The following FBXL17 variants were observed in gnomAD, a reference collection of about 807,000 sequenced individuals.
The protein encoded by FBXL17 is F-box and leucine rich repeat protein 17, also known as F-box/LRR-repeat protein 17.
A neutral mutation model predicts 66.2 loss-of-function variants in FBXL17; 22 were observed. The ratio of observed to expected loss-of-function variants is 0.33; its 90% CI spans 0.24 to 0.47. FBXL17 has a LOEUF of 0.47. FBXL17 is among the 20% of genes least tolerant of loss of function. FBXL17 has a pLI of 1.00. For missense variants in FBXL17, 878 were observed against 948.2 expected, an observed-to-expected ratio of 0.93 and a Z score of 0.97; for synonymous variants, 474 against 400.5, an observed-to-expected ratio of 1.18 and a Z score of -2.19.
chr5:108,023,947 G>T (rs1377656353), intron 6 of FBXL17, among the ~76,000 whole-genome samples: 1 of 152,180 alleles, frequency 6.6e-6, no homozygotes. Flanking sequence ...CTTTCTTACA[G>T]ATACTACATA....
intron 7 of FBXL17, 129 bp downstream of exon 7, chr5:108,020,796 T>C (rs75317195): frequency 6.4e-6 from 4 of 620,332 alleles, no homozygotes; most frequent in Non-Finnish European, 1.1e-5. Flanking sequence ...TTTTTTGGTA[T>C]GGTCACAATG....
intron 7 of FBXL17, among the ~76,000 whole-genome samples, chr5:107,923,704 T>C (rs984812109): frequency 6.6e-6 from 1 of 152,134 alleles, no homozygotes; most frequent in Admixed American, 6.6e-5. Flanking sequence ...AACACTAGGG[T>C]ACTTGATATG....
intron 7 of FBXL17, among the ~76,000 whole-genome samples, chr5:108,006,153 GT>G (rs2112726048): frequency 6.6e-6 from 1 of 152,228 alleles, no homozygotes; most frequent in Admixed American, 6.5e-5. Flanking sequence ...GTTTCTTTTG[GT>G]TTTAGGTCTA....
intron 4 of FBXL17, among the ~76,000 whole-genome samples, chr5:108,244,281 AT>A (rs1313932925): frequency 3.3e-5 from 5 of 152,174 alleles, no homozygotes; most frequent in Non-Finnish European, 7.4e-5. Context: ...TATAATTCTT[AT>A]ATTAATTTAA....
intron 7 of FBXL17, among the ~76,000 whole-genome samples, chr5:107,955,500 C>T (rs1392115984): frequency 6.6e-6 from 1 of 152,176 alleles, no homozygotes; most frequent in Non-Finnish European, 1.5e-5. Flanking sequence ...TTGCAGTGCG[C>T]TGTGACAAGA....
chr5:108,240,878 G>A (rs1363848587), intron 4 of FBXL17, among the ~76,000 whole-genome samples: 1 of 152,202 alleles, frequency 6.6e-6, no homozygotes, highest in Non-Finnish European at 1.5e-5. Flanking sequence ...GACAGAGAGA[G>A]AGAGAGAGAT....
At chr5:108,239,935 A>G (rs1755779577) in intron 4 of FBXL17, among the ~76,000 whole-genome samples, 1 of 152,064 alleles carries the variant, frequency 6.6e-6, no homozygotes, top group Admixed American at 6.6e-5. Context: ...ATCCTGGATG[A>G]CATGTCTAGA....
At chr5:107,919,608 C>G (rs1750246717) in intron 7 of FBXL17, among the ~76,000 whole-genome samples, 1 of 152,188 alleles carries the variant, frequency 6.6e-6, no homozygotes, top group African/African-American at 2.4e-5. Flanking sequence ...GCTCTCATCC[C>G]TGTTCCACCA....
At position 108,033,526 on chromosome 5, in the gene FBXL17, C is replaced by T. The variant is rs78138903; in HGVS notation, c.1746-12525G>A. Among the ~76,000 whole-genome samples, 11 of 152,138 alleles carry T rather than the reference C, an allele frequency of 7.2e-5. No homozygotes were observed. In the East Asian group the frequency reaches 1.7e-3, roughly 24 times the overall value. ...CATTCCCACTCACAAATGCAACTAC[C>T]GTTGTAGATGTTTTTGTTACTTTGT... is the stretch of plus-strand genomic sequence containing the variant. On this transcript the variant is annotated intron_variant, in intron 6 of 8. Coordinates refer to ENST00000542267, the MANE Select transcript of FBXL17 (RefSeq NM_001163315.3).
At chr5:107,977,137 T>C in intron 7 of FBXL17, among the ~76,000 whole-genome samples, 1 of 152,202 alleles carries the variant, frequency 6.6e-6, no homozygotes, top group East Asian at 1.9e-4. Context: ...ACTAAGTTAT[T>C]CATTGGAGAT....
intron 5 of FBXL17, among the ~76,000 whole-genome samples, chr5:108,187,979 C>T (rs909984853): frequency 2.0e-5 from 3 of 152,196 alleles, no homozygotes; most frequent in African/African-American, 7.2e-5. Flanking sequence ...ATCACTTGTA[C>T]CTACTGAGCA....
chr5:108,074,572 A>G (rs766949853), intron 6 of FBXL17, among the ~76,000 whole-genome samples: 1 of 152,094 alleles, frequency 6.6e-6, no homozygotes, highest in South Asian at 2.1e-4. Context: ...CTTTTAAAGT[A>G]CACATGAAAG....
intron 3 of FBXL17, among the ~76,000 whole-genome samples, chr5:108,363,397 A>G (rs1201000890): frequency 3.3e-5 from 5 of 151,980 alleles, no homozygotes; most frequent in Non-Finnish European, 7.4e-5. Context: ...CTACACTGCA[A>G]TGAGATCCTA....
At chr5:108,027,137 C>T (rs1465288400) in intron 6 of FBXL17, among the ~76,000 whole-genome samples, 1 of 152,150 alleles carries the variant, frequency 6.6e-6, no homozygotes, top group Non-Finnish European at 1.5e-5. Flanking sequence ...TATGAAAATA[C>T]ATTTTTCTTC....
Position 107,859,385 on chromosome 5 carries a change from T to A in FBXL17, c.*2335A>T, listed in dbSNP as rs1190841358. On this transcript the variant is annotated 3_prime_UTR_variant, in exon 9 of 9. Transcript: ENST00000542267. Reference sequence around the variant, plus strand: ...GACCACTCAAGGTGATGCTTTTTTCTGGCTGTTTTTTTTTTTTTTTTTTTT... The same window carrying A: ...GACCACTCAAGGTGATGCTTTTTTCAGGCTGTTTTTTTTTTTTTTTTTTTT... 2 of 143,262 alleles carry A rather than the reference T, an allele frequency of 1.4e-5. No individual in the cohort carries two copies. 8.9% of individuals were successfully genotyped at this position (143,262 alleles called of 1,614,324 possible). A position where few individuals can be genotyped will look rare whatever the true frequency, so the allele number is the denominator to read the frequency against.
chr5:107,973,454 G>A (rs1183721057), intron 7 of FBXL17, among the ~76,000 whole-genome samples: 1 of 150,596 alleles, frequency 6.6e-6, no homozygotes, highest in Non-Finnish European at 1.5e-5. Context: ...TGTGGTCTGG[G>A]GAAGCCAAAA....
chr5:108,241,730 T>G (rs1324966882), intron 4 of FBXL17, among the ~76,000 whole-genome samples: 2 of 151,534 alleles, frequency 1.3e-5, no homozygotes, highest in African/African-American at 4.8e-5. Context: ...TGGTCAAAGA[T>G]AAAGAAAGGC....
chr5:107,918,485 G>A (rs1430114667), intron 7 of FBXL17, among the ~76,000 whole-genome samples: 1 of 152,168 alleles, frequency 6.6e-6, no homozygotes, highest in East Asian at 1.9e-4. Flanking sequence ...AACTTGAGTA[G>A]CTTGTATAAA....
At chr5:108,333,098 C>T (rs1760206698) in intron 4 of FBXL17, among the ~76,000 whole-genome samples, 2 of 135,474 alleles carry the variant, frequency 1.5e-5, no homozygotes, top group Admixed American at 1.4e-4. Flanking sequence ...CGAAGCAAAA[C>T]ATACAATAAT....
Sources: gnomAD v4.1 joint callset for allele counts (sites outside exome capture counted in the v4.1 genomes callset) on GRCh38, gnomAD v4.1.1 for gene constraint, MANE v1.5 for transcripts, NCBI Gene and HGNC (gene_info 2026-07-23, HGNC 2026-07-21) for gene names.